Variants in ANKEF1 observed in about 807,000 individuals in gnomAD.
ANKEF1 encodes ankyrin repeat and EF-hand domain-containing protein 1.
Under a neutral mutation model 65.1 loss-of-function variants are expected in ANKEF1, and 43 were observed. The ratio of observed to expected loss-of-function variants is 0.66; its 90% confidence interval spans 0.52 to 0.85. ANKEF1 has a LOEUF of 0.85. ANKEF1 is among the 40% of genes least tolerant of loss of function. The probability of loss-of-function intolerance (pLI) is 0.00; values close to 1 mark genes in which losing one functional copy is unlikely to be tolerated. For missense variants in ANKEF1, 934 were observed against 952.9 expected (o/e 0.98, Z 0.26); for synonymous variants, 316 against 341.5 (o/e 0.93, Z 0.82).
At chr20:10,044,368 C>A in intron 4 of ANKEF1, 26 bp from the exon 5 acceptor site, 1 of 1,612,090 alleles carries the variant, frequency 6.2e-7, no homozygotes. Context: ...TAAACAGCAT[C>A]TCATATTGGA....
chr20:10,037,125 T>C (rs1216369588), intron 2 of ANKEF1, among the ~76,000 whole-genome samples: 1 of 152,150 alleles, frequency 6.6e-6, no homozygotes, highest in African/African-American at 2.4e-5. Flanking sequence ...TTTCAACTTT[T>C]GTAGTAAGAT....
In ANKEF1 at chr20:10,050,122, T is replaced by C; in HGVS notation, c.1553T>C (p.Val518Ala). The change falls in exon 7 of 11, where the codon GTG becomes GCG. Residue 518 changes from valine (V) to alanine (A), a missense_variant. Val to Ala is a moderately conservative substitution (Grantham distance 64, BLOSUM62 0). Coordinates refer to ENST00000378392, the MANE Select transcript of ANKEF1 (RefSeq NM_022096.6). Reference protein sequence around the residue: ...LKKAFESGIPVDMKDNYYKTP... With the variant: ...LKKAFESGIPADMKDNYYKTP... ...AAGGCCTTTGAATCAGGAATACCTG[T>C]GGATATGAAGGATAATTATTACAAA... 2 of 1,614,058 alleles carry C rather than the reference T, an allele frequency of 1.2e-6. No individual in the cohort carries two copies. The highest frequency in any genetic ancestry group is 1.7e-6 in the Non-Finnish European group (2 of 1,179,982).
At chr20:10,037,855 A>T (rs1404397929) in intron 2 of ANKEF1, among the ~76,000 whole-genome samples, 4 of 152,226 alleles carry the variant, frequency 2.6e-5, no homozygotes, top group Non-Finnish European at 5.9e-5. Flanking sequence ...TCAAAATTAT[A>T]TGTTTTTATA....
rs567896821 is a variant in ANKEF1 at position 10,057,631 on chromosome 20, A to G, written c.*1971A>G. 1.3e-5 allele frequency: 2 copies of G among 152,284 alleles called. No homozygotes were observed. The highest frequency in any genetic ancestry group is 1.9e-4 in the East Asian group (1 of 5,190). 9.4% of individuals were successfully genotyped at this position (152,284 alleles called of 1,614,324 possible). ...ATGATGTTCTTCACATGATGTTTTC[A>G]TATTTGTGTGTCAGTTGAAGACATG... is the stretch of plus-strand genomic sequence containing the variant. On this transcript the variant is annotated 3_prime_UTR_variant, in exon 11 of 11. Coordinates refer to ENST00000378392, the MANE Select transcript of ANKEF1 (RefSeq NM_022096.6).
At chr20:10,047,357 T>C (rs1984575078) in intron 6 of ANKEF1, among the ~76,000 whole-genome samples, 1 of 152,232 alleles carries the variant, frequency 6.6e-6, no homozygotes, top group South Asian at 2.1e-4. Flanking sequence ...CCAGATCCTA[T>C]GTGGGTGACC....
At chr20:10,050,388 ATG>A (rs556020583) in intron 7 of ANKEF1, among the ~76,000 whole-genome samples, 176 bp downstream of exon 7, 27 of 152,346 alleles carry the variant, frequency 1.8e-4, no homozygotes, top group African/African-American at 5.3e-4. Context: ...TCATTAAAGA[ATG>A]TTATTAAAGA....
At position 10,045,662 on chromosome 20, in the gene ANKEF1, G is replaced by A; in HGVS notation, c.785G>A (p.Gly262Asp). 1.2e-6 allele frequency: 2 copies of A among 1,613,846 alleles called. No homozygotes were observed. Among genetic ancestry groups the A allele is most frequent in the Non-Finnish European group, 1.7e-6 (2 of 1,179,834 alleles). Residue 262 changes from glycine to aspartate, a missense_variant, in exon 6 of 11, where the codon GGT becomes GAT. Physicochemically the swap from Gly to Asp is moderately conservative, Grantham distance 94. Coordinates refer to ENST00000378392, the MANE Select transcript of ANKEF1 (RefSeq NM_022096.6). Reference protein sequence around the residue: ...NTPLHYAAMGGFADCCKYIAQ... With the variant: ...NTPLHYAAMGDFADCCKYIAQ... ...CCACTTCATTATGCTGCCATGGGTGGTTTTGCAGACTGCTGTAAATATATA... is the reference window on the plus strand; with the variant it reads ...CCACTTCATTATGCTGCCATGGGTGATTTTGCAGACTGCTGTAAATATATA...
rs746398311 is a variant in ANKEF1, at chr20:10,054,448, G to C, written c.2035-14G>C. 15 of 1,520,132 alleles carry C rather than the reference G, an allele frequency of 9.9e-6. No individual in the cohort carries two copies. The highest frequency in any genetic ancestry group is 1.3e-5 in the Non-Finnish European group (15 of 1,140,114). The allele number at this position is 1,520,132 out of a possible 1,614,324, so 94.2% of individuals were successfully genotyped here. Reference sequence around the variant, plus strand: ...GATTTTTACAATTTATAATTTTTTTGTTCTTGTTTCCAGGAACTGCTGTCA... The same window carrying C: ...GATTTTTACAATTTATAATTTTTTTCTTCTTGTTTCCAGGAACTGCTGTCA... On this transcript the variant is annotated splice_polypyrimidine_tract_variant and intron_variant, in intron 9 of 10. Transcript: ENST00000378392.
rs776126169 is a variant in ANKEF1 at position 10,038,607 on chromosome 20, G to C, written c.306G>C (p.Lys102Asn). Residue 102 changes from lysine to asparagine, a missense_variant, in exon 3 of 11, where the codon AAG becomes AAC. Transcript: ENST00000378392. Reference sequence around the variant, plus strand: ...AATTGTCAATGGAAATATTAGCAAAGGCAAAGGCTGATATGACTATAGTTG... The same window carrying C: ...AATTGTCAATGGAAATATTAGCAAACGCAAAGGCTGATATGACTATAGTTG... ...GHELSMEILA[K>N]AKADMTIVDN... The C allele has an allele frequency of 6.2e-7, 1 of 1,613,488 alleles. No homozygotes were observed. Among genetic ancestry groups the C allele is most frequent in the East Asian group, 2.2e-5 (1 of 44,866 alleles).
Position 10,049,949 on chromosome 20 carries a change from G to T in ANKEF1, c.1380G>T (p.Lys460Asn). The T allele has an allele frequency of 6.2e-7, 1 of 1,614,204 alleles. No homozygotes were observed. Among genetic ancestry groups the T allele is most frequent in the Non-Finnish European group, 8.5e-7 (1 of 1,180,022 alleles). ...GPPYYMIETY[K>N]NVTDSSRFNR... is the part of the protein sequence containing the mutation. ...CGTATTACATGATTGAGACCTACAA[G>T]AATGTCACTGATAGCAGCCGGTTTA... Residue 460 changes from lysine to asparagine, a missense_variant, in exon 7 of 11, where the codon AAG becomes AAT. Physicochemically the swap from Lys to Asn is moderately conservative, Grantham distance 94. Coordinates refer to ENST00000378392, the MANE Select transcript of ANKEF1 (RefSeq NM_022096.6).
chr20:10,041,572 C>T (rs899922875), intron 3 of ANKEF1, among the ~76,000 whole-genome samples: 1 of 151,848 alleles, frequency 6.6e-6, no homozygotes, highest in Non-Finnish European at 1.5e-5. Context: ...ATTTCCTTAC[C>T]TGCTTTACAT....
At position 10,049,889 on chromosome 20, in the gene ANKEF1, G is replaced by A; in HGVS notation, c.1320G>A (p.Glu440=). Residue 440 remains glutamate (E), a synonymous_variant, in exon 7 of 11, where the codon GAG becomes GAA. Transcript: ENST00000378392. The stretch of plus-strand genomic sequence containing the variant: ...CCCTTCCAATCTGTGTCATTCCTGA[G>A]TACGCGTTTCCACGCCGGCAGGATG... ...VLPLPICVIP[E]YAFPRRQDGG... is the part of the protein sequence containing the mutation. 6.2e-7 allele frequency: 1 copy of A among 1,614,164 alleles called. No individual in the cohort carries two copies. Among genetic ancestry groups the A allele is most frequent in the Non-Finnish European group, 8.5e-7 (1 of 1,180,036 alleles).
Sources: gnomAD v4.1 joint callset for allele counts (sites outside exome capture counted in the v4.1 genomes callset) on GRCh38, gnomAD v4.1.1 for gene constraint, MANE v1.5 for transcripts, NCBI Gene and HGNC (gene_info 2026-07-23, HGNC 2026-07-21) for gene names.